Variants in CALCR observed in about 807,000 individuals in gnomAD.
CALCR encodes the protein calcitonin receptor.
In CALCR, 47 loss-of-function variants were observed where a neutral mutation model predicts 59.5. That is an observed-to-expected ratio of 0.79 (90% CI 0.63 to 1.01). The LOEUF (loss-of-function observed/expected upper bound fraction) is 1.01. Among genes scored for constraint, CALCR ranks in the 50% least tolerant of loss-of-function variants. CALCR has a pLI of 0.00. For missense variants in CALCR, 566 were observed against 597.1 expected (o/e 0.95, Z 0.54); for synonymous variants, 213 against 211.3 (o/e 1.01, Z -0.07).
rs747785006 is a variant in CALCR at position 93,443,621 on chromosome 7, T to C, written c.785A>G (p.Tyr262Cys). The C allele has an allele frequency of 2.5e-6, 4 of 1,613,166 alleles. No individual in the cohort carries two copies. The highest frequency in any genetic ancestry group is 1.1e-5 in the South Asian group (1 of 91,010). Residue 262 changes from tyrosine to cysteine, a missense_variant, in exon 9 of 14, where the codon TAT becomes TGT. Coordinates refer to ENST00000426151, the MANE Select transcript of CALCR (RefSeq NM_001742.4). The part of the protein sequence containing the change: ...VFTEKQRLRW[Y>C]YLLGWGFPLV... ...ATACATACCCCAGCCCAAGAGATAA[T>C]ACCACCGCAAGCGTTGCTTCTCAGT...
At position 93,468,713 on chromosome 7, in the gene CALCR, A is replaced by G; in HGVS notation, c.521+2T>C. The stretch of plus-strand genomic sequence containing the variant: ...AAGAGCAGATGCTGTGAGTGTACTT[A>G]CCTGAAAAACACGAAAATCCCCAGG... On this transcript the variant is annotated splice_donor_variant, in intron 7 of 13. Transcript: ENST00000426151. LOFTEE classifies it high-confidence loss of function. 6.3e-7 allele frequency: 1 copy of G among 1,597,122 alleles called. No homozygotes were observed. Among genetic ancestry groups the G allele is most frequent in the South Asian group, 1.1e-5 (1 of 90,528 alleles).
intron 6 of CALCR, among the ~76,000 whole-genome samples, chr7:93,470,823 G>A (rs1800535365): frequency 6.6e-6 from 1 of 151,290 alleles, no homozygotes; most frequent in African/African-American, 2.4e-5. Flanking sequence ...TGTGCACAAT[G>A]TGCAGGTTAG....
intron 2 of CALCR, among the ~76,000 whole-genome samples, chr7:93,550,048 T>C (rs1789403543): frequency 6.6e-6 from 1 of 152,214 alleles, no homozygotes. Flanking sequence ...CAACAATATA[T>C]CAAAATGTGA....
At chr7:93,506,592 T>C (rs1801430549) in intron 2 of CALCR, among the ~76,000 whole-genome samples, 1 of 151,700 alleles carries the variant, frequency 6.6e-6, no homozygotes, top group Non-Finnish European at 1.5e-5. Context: ...CTACCAAATA[T>C]CCAGATGGCT....
At chr7:93,504,142 A>G (rs1801378143) in intron 2 of CALCR, among the ~76,000 whole-genome samples, 1 of 152,184 alleles carries the variant, frequency 6.6e-6, no homozygotes, top group African/African-American at 2.4e-5. Context: ...AGCTTCCAAC[A>G]ATATACAAAC....
In CALCR at chr7:93,424,586, A is replaced by G. The variant is rs753981318; in HGVS notation, c.*1770T>C. On this transcript the variant is annotated 3_prime_UTR_variant, in exon 14 of 14. Coordinates refer to ENST00000426151, the MANE Select transcript of CALCR (RefSeq NM_001742.4). ...TATTAATTTATACATATACACAAGCATAAGCATTTCACATAATTTGGGCAG... is the reference window on the plus strand; with the variant it reads ...TATTAATTTATACATATACACAAGCGTAAGCATTTCACATAATTTGGGCAG... 1 of 152,654 alleles carries G rather than the reference A, an allele frequency of 6.6e-6. No individual in the cohort carries two copies. Among genetic ancestry groups the G allele is most frequent in the African/African-American group, 2.4e-5 (1 of 41,462 alleles). The allele number at this position is 152,654 out of a possible 1,614,324, so 9.5% of individuals were successfully genotyped here.
intron 2 of CALCR, among the ~76,000 whole-genome samples, chr7:93,526,969 A>G (rs1385149357): frequency 6.6e-6 from 1 of 152,076 alleles, no homozygotes; most frequent in African/African-American, 2.4e-5. Flanking sequence ...GTTCCAAAGA[A>G]CATAAAACTA....
rs768328711 is a variant in CALCR at position 93,429,307 on chromosome 7, AAAAACAAAAC to A, written c.1192-2728_1192-2719del. On this transcript the variant is annotated intron_variant, in intron 13 of 13. Coordinates refer to ENST00000426151, the MANE Select transcript of CALCR (RefSeq NM_001742.4). ...GACAAGAATAAGGGCATTTAATCTGAAAAACAAAACAAAACAAAACAGGGAGAGTTTTGTT... is the reference window on the plus strand; with the variant it reads ...GACAAGAATAAGGGCATTTAATCTGAAAAACAAAACAGGGAGAGTTTTGTT... 3.4e-4 allele frequency among the ~76,000 whole-genome samples: 51 copies of A among 152,220 alleles called. 1 individual carries two copies. Among genetic ancestry groups the A allele is most frequent in the Admixed American group, 3.3e-3 (50 of 15,278 alleles).
intron 11 of CALCR, among the ~76,000 whole-genome samples, chr7:93,436,849 G>C (rs1224270676): frequency 1.3e-5 from 2 of 152,112 alleles, no homozygotes; most frequent in Non-Finnish European, 2.9e-5. Flanking sequence ...CACATATGCA[G>C]TTGCTAAATA....
At chr7:93,439,521 A>G (rs570749708) in intron 9 of CALCR, among the ~76,000 whole-genome samples, 1 of 152,278 alleles carries the variant, frequency 6.6e-6, no homozygotes, top group African/African-American at 2.4e-5. Context: ...AGACGAGTAT[A>G]GACCCCACAC....
At chr7:93,539,248 A>T (rs1789068262) in intron 2 of CALCR, among the ~76,000 whole-genome samples, 2 of 152,148 alleles carry the variant, frequency 1.3e-5, no homozygotes, top group South Asian at 4.1e-4. Flanking sequence ...ATTTTGTAGC[A>T]TATGATGATC....
At chr7:93,533,966 C>T (rs1788917616) in intron 2 of CALCR, among the ~76,000 whole-genome samples, 2 of 151,742 alleles carry the variant, frequency 1.3e-5, no homozygotes, top group South Asian at 4.1e-4. Flanking sequence ...CTTTATCCCA[C>T]ATTTTATAGT....
At chr7:93,482,222 T>C (rs931800112) in intron 3 of CALCR, among the ~76,000 whole-genome samples, 1 of 151,844 alleles carries the variant, frequency 6.6e-6, no homozygotes, top group Admixed American at 6.6e-5. Flanking sequence ...GTTTTAAAAA[T>C]TCAATTACAT....
intron 8 of CALCR, among the ~76,000 whole-genome samples, chr7:93,447,694 C>T (rs1477858601): frequency 6.6e-6 from 1 of 151,920 alleles, no homozygotes; most frequent in Non-Finnish European, 1.5e-5. Flanking sequence ...GCACTACAGG[C>T]CTATTACCAT....
intron 2 of CALCR, among the ~76,000 whole-genome samples, chr7:93,548,513 C>T (rs1378522776): frequency 6.6e-6 from 1 of 151,998 alleles, no homozygotes; most frequent in African/African-American, 2.4e-5. Flanking sequence ...TATAATAAAA[C>T]TCCAATTTCA....
Position 93,486,935 on chromosome 7 carries a change from A to G in CALCR, c.47T>C (p.Leu16Pro). The G allele has an allele frequency of 6.3e-7, 1 of 1,576,668 alleles. No homozygotes were observed. The highest frequency in any genetic ancestry group is 8.7e-7 in the Non-Finnish European group (1 of 1,149,550). ...GAATACTTTTGTTTTACTTACATTT[A>G]GAAGAAGAAACAGTGCCAAGCACCG... ...TSRCLALFLL[L>P]NHPTPILPAF... Residue 16 changes from leucine (L) to proline (P), a missense_variant, in exon 3 of 14, where the codon CTA becomes CCA. Coordinates refer to ENST00000426151, the MANE Select transcript of CALCR (RefSeq NM_001742.4).
intron 2 of CALCR, among the ~76,000 whole-genome samples, chr7:93,496,336 AT>A (rs1436259561): frequency 6.6e-6 from 1 of 151,582 alleles, no homozygotes; most frequent in African/African-American, 2.4e-5. Context: ...TTAACTCTTC[AT>A]TTCCCAAACC....
chr7:93,464,188 A>G (rs896741503), intron 7 of CALCR, among the ~76,000 whole-genome samples: 3 of 152,020 alleles, frequency 2.0e-5, no homozygotes, highest in Admixed American at 6.6e-5. Context: ...TTGTAGTTGT[A>G]TGAGACGGCA....
At chr7:93,505,758 T>C (rs1544364) in intron 2 of CALCR, among the ~76,000 whole-genome samples, 20,026 of 152,098 alleles carry the variant, frequency 0.13, 2,861 homozygotes, top group African/African-American at 0.34. Context: ...CACACTTCTT[T>C]TTACCATCCC....
Sources: gnomAD v4.1 joint callset for allele counts (sites outside exome capture counted in the v4.1 genomes callset) on GRCh38, gnomAD v4.1.1 for gene constraint, MANE v1.5 for transcripts, NCBI Gene and HGNC (gene_info 2026-07-23, HGNC 2026-07-21) for gene names.